CDH22: variants seen among roughly 807,000 people sequenced by gnomAD.
The protein encoded by CDH22 is cadherin-22.
A neutral mutation model predicts 58.4 loss-of-function variants in CDH22; 30 were observed. That is an observed-to-expected ratio of 0.51 (90% CI 0.38 to 0.70). The LOEUF is 0.70. Among genes scored for constraint, CDH22 ranks in the 30% least tolerant of loss-of-function variants. The pLI, the probability that CDH22 is intolerant of heterozygous loss-of-function variation, is 0.00. For missense variants in CDH22, 1,014 were observed against 1,233.9 expected (o/e 0.82, Z 2.67); for synonymous variants, 513 against 558.2 (o/e 0.92, Z 1.14).
intron 3 of CDH22, among the ~76,000 whole-genome samples, chr20:46,234,195 G>T (rs1385830318): frequency 6.6e-6 from 1 of 152,224 alleles, no homozygotes; most frequent in Non-Finnish European, 1.5e-5. Flanking sequence ...ACCCAAGAGA[G>T]TCCCCAGGAG....
intron 8 of CDH22, among the ~76,000 whole-genome samples, chr20:46,187,921 A>C (rs2085838494): frequency 6.6e-6 from 1 of 151,996 alleles, no homozygotes; most frequent in African/African-American, 2.4e-5. Context: ...GGGCAACTAA[A>C]CTCCAAGACT....
chr20:46,184,764 G>A (rs1427978777), intron 10 of CDH22, among the ~76,000 whole-genome samples: 1 of 152,078 alleles, frequency 6.6e-6, no homozygotes, highest in Non-Finnish European at 1.5e-5. Flanking sequence ...GGGCTACCTA[G>A]CCACCCGAGG....
Position 46,241,197 on chromosome 20 carries a change from C to T in CDH22, c.316G>A (p.Ala106Thr). ...TCGTCGATCAGGAAGATGGTCCCAG[C>T]ACCCTCGCCTGAGATGGTGTACTTG... ...AIKYTISGEG[A>T]GTIFLIDELT... The change falls in exon 3 of 12, where the codon GCT becomes ACT. Residue 106 changes from alanine (A) to threonine (T), a missense_variant. By Grantham distance (58) the Ala-to-Thr change is moderately conservative. Transcript: ENST00000537909. This position sits in a 1 kb window ranked among gnomAD's most constrained non-coding sequence, Gnocchi z 5.2. 1.9e-6 allele frequency: 3 copies of T among 1,613,954 alleles called. No individual in the cohort carries two copies. The highest frequency in any genetic ancestry group is 2.5e-6 in the Non-Finnish European group (3 of 1,179,884).
chr20:46,195,621 C>T (rs929187183), intron 8 of CDH22, among the ~76,000 whole-genome samples: 2 of 150,658 alleles, frequency 1.3e-5, no homozygotes, highest in Non-Finnish European at 3.0e-5. Flanking sequence ...TAGACCCCCC[C>T]CCCACCCAGT....
intron 8 of CDH22, among the ~76,000 whole-genome samples, chr20:46,190,025 G>T (rs975402967): frequency 1.2e-4 from 18 of 152,244 alleles, no homozygotes; most frequent in Non-Finnish European, 2.2e-4. Flanking sequence ...GGGTGACTGG[G>T]AGGCGGGGGG....
rs111439946 is a variant in CDH22, at chr20:46,193,055, G to C, written c.1424-6108C>G. On this transcript the variant is annotated intron_variant, in intron 8 of 11. Transcript: ENST00000537909. ...CGTTTATTCCTCCAAGGAAGGGGTGGGGGAGGACTTCTGGGTGAAGCAGGG... is the reference window on the plus strand; with the variant it reads ...CGTTTATTCCTCCAAGGAAGGGGTGCGGGAGGACTTCTGGGTGAAGCAGGG... 4.2e-3 allele frequency among the ~76,000 whole-genome samples: 643 copies of C among 152,178 alleles called. 6 individuals are homozygous for C. The highest frequency in any genetic ancestry group is 0.015 in the African/African-American group (609 of 41,488).
chr20:46,194,117 G>A (rs958783527), intron 8 of CDH22, among the ~76,000 whole-genome samples: 3 of 152,112 alleles, frequency 2.0e-5, no homozygotes, highest in East Asian at 1.9e-4. Context: ...AGGAATCGCC[G>A]CGACCCCATG....
chr20:46,176,794 G>T (rs1245328393), intron 11 of CDH22, among the ~76,000 whole-genome samples: 1 of 152,256 alleles, frequency 6.6e-6, no homozygotes, highest in African/African-American at 2.4e-5. Context: ...TGGAGCCGAG[G>T]CTGGGAGCTC....
At chr20:46,282,750 C>T (rs1270572468) in intron 1 of CDH22, among the ~76,000 whole-genome samples, 1 of 149,670 alleles carries the variant, frequency 6.7e-6, no homozygotes, top group African/African-American at 2.4e-5. Flanking sequence ...AGTTCTCCCC[C>T]GGGGGAGGGA....
chr20:46,226,733 C>T (rs1031778181), intron 4 of CDH22, among the ~76,000 whole-genome samples: 1 of 152,152 alleles, frequency 6.6e-6, no homozygotes, highest in African/African-American at 2.4e-5. Context: ...CATCTCATTC[C>T]CCGCCTTCAC....
intron 10 of CDH22, among the ~76,000 whole-genome samples, chr20:46,178,987 C>A (rs1283521261): frequency 2.0e-5 from 3 of 152,204 alleles, no homozygotes; most frequent in Non-Finnish European, 4.4e-5. Flanking sequence ...ACTCATGGCA[C>A]TGGTTCAGCC....
At chr20:46,214,868 C>T (rs979990911) in intron 5 of CDH22, among the ~76,000 whole-genome samples, 1 of 152,236 alleles carries the variant, frequency 6.6e-6, no homozygotes, top group Non-Finnish European at 1.5e-5. Flanking sequence ...GTATGAGCTG[C>T]TGGAAGAAAG....
chr20:46,199,409 G>A lies in CDH22; in HGVS notation c.1423+14C>T. 6.2e-7 allele frequency: 1 copy of A among 1,604,558 alleles called. No individual in the cohort carries two copies. Among genetic ancestry groups the A allele is most frequent in the East Asian group, 2.2e-5 (1 of 44,818 alleles). On this transcript the variant is annotated intron_variant, in intron 8 of 11. Transcript: ENST00000537909. ...CCATATTTGCCCTTGGAGGGGGCGT[G>A]GCGCCCAGCTCACCCGCCTCCATGG...
intron 10 of CDH22, among the ~76,000 whole-genome samples, chr20:46,181,508 G>A (rs532704800): frequency 1.0e-3 from 159 of 152,200 alleles, no homozygotes; most frequent in Non-Finnish European, 1.7e-3. Flanking sequence ...GAGTCAAGAC[G>A]AGGCTGGAGG....
chr20:46,207,462 G>A (rs2086009571), intron 7 of CDH22, among the ~76,000 whole-genome samples: 1 of 152,202 alleles, frequency 6.6e-6, no homozygotes, highest in African/African-American at 2.4e-5. Flanking sequence ...ACAAACAGAG[G>A]TGACAGTGCC....
chr20:46,186,570 T>G lies in CDH22; in HGVS notation c.1663+18A>C, dbSNP rs2085826383. ...ACTGTGCCCCTCCCTTCTTGCATCC[T>G]AGGGTTTGGAGGCTCACCTTGGATG... On this transcript the variant is annotated intron_variant, in intron 10 of 11. Transcript: ENST00000537909. The G allele has an allele frequency of 6.4e-7, 1 of 1,561,392 alleles. No individual in the cohort carries two copies. Among genetic ancestry groups the G allele is most frequent in the Admixed American group, 1.7e-5 (1 of 59,784 alleles).
At chr20:46,186,437 G>T in intron 10 of CDH22, 151 bp downstream of exon 10, 1 of 658,110 alleles carries the variant, frequency 1.5e-6, no homozygotes, top group Non-Finnish European at 2.7e-6. Flanking sequence ...CCAGTGGGCT[G>T]GGTAACAGCT....
chr20:46,299,346 C>G (rs1208103826), intron 1 of CDH22, among the ~76,000 whole-genome samples: 1 of 152,244 alleles, frequency 6.6e-6, no homozygotes, highest in Admixed American at 6.5e-5. Context: ...AAGCCTCCCC[C>G]AGTGCCTTCG....
chr20:46,304,718 A>G (rs1459551751), intron 1 of CDH22, among the ~76,000 whole-genome samples: 1 of 152,204 alleles, frequency 6.6e-6, no homozygotes, highest in Non-Finnish European at 1.5e-5. Flanking sequence ...AATCAGACCC[A>G]CATATTCGGA....
Sources: allele counts gnomAD v4.1 joint callset (sites outside exome capture counted in the v4.1 genomes callset), GRCh38; gene constraint gnomAD v4.1.1; non-coding constraint Gnocchi (gnomAD v3.1); transcripts MANE v1.5; gene names NCBI Gene and HGNC (gene_info 2026-07-23, HGNC 2026-07-21).